Variants in OSBPL5 observed in about 807,000 individuals in gnomAD.
OSBPL5 encodes oxysterol-binding protein-related protein 5.
A neutral mutation model predicts 111.2 loss-of-function variants in OSBPL5; 71 were observed. That is an observed-to-expected ratio of 0.64 (90% CI 0.53 to 0.78). The LOEUF (loss-of-function observed/expected upper bound fraction) is 0.78, where lower values mean the gene tolerates loss of function less well. Among genes scored for constraint, OSBPL5 ranks in the 30% least tolerant of loss-of-function variants. OSBPL5 has a pLI of 0.00. For synonymous variants in OSBPL5, 549 were observed against 513.9 expected (o/e 1.07, Z -0.93); for missense variants, 1,210 against 1,189.3 (o/e 1.02, Z -0.26).
At chr11:3,128,160 T>G (rs1001431388) in intron 2 of OSBPL5, among the ~76,000 whole-genome samples, 3 of 152,206 alleles carry the variant, frequency 2.0e-5, no homozygotes, top group African/African-American at 7.2e-5. Context: ...GATGGGACTT[T>G]GGCTGCGACC....
chr11:3,095,463 G>A (rs1857226240), intron 14 of OSBPL5, among the ~76,000 whole-genome samples: 1 of 152,164 alleles, frequency 6.6e-6, no homozygotes, highest in Non-Finnish European at 1.5e-5. Context: ...AATGTCCTAG[G>A]TGCACACATG....
At chr11:3,119,430 G>T in intron 7 of OSBPL5, 117 bp downstream of exon 7, 2 of 1,038,236 alleles carry the variant, frequency 1.9e-6, no homozygotes, top group African/African-American at 1.7e-5. Flanking sequence ...ACTTCAGGCT[G>T]CCCCCAGACA....
intron 6 of OSBPL5, 21 bp from the exon 7 acceptor site, chr11:3,119,652 G>T (rs368367658): frequency 6.3e-7 from 1 of 1,576,638 alleles, no homozygotes; most frequent in East Asian, 2.4e-5. Context: ...AGAGATCTGG[G>T]TGTCACCCGA....
Position 3,107,061 on chromosome 11 carries a change from C to T in OSBPL5, c.1059+202G>A, listed in dbSNP as rs956391887. On this transcript the variant is annotated intron_variant, in intron 9 of 21. Transcript: ENST00000263650. This position sits in a 1 kb window ranked among gnomAD's most constrained non-coding sequence, Gnocchi z 6.1. Reference sequence around the variant, plus strand: ...TCTGCATGCCAGCCAGCCAGCCAGCCAGCGGGGCAGCCTCTTTGGAAGACG... The same window carrying T: ...TCTGCATGCCAGCCAGCCAGCCAGCTAGCGGGGCAGCCTCTTTGGAAGACG... 6.6e-6 allele frequency among the ~76,000 whole-genome samples: 1 copy of T among 152,206 alleles called. No homozygotes were observed. The highest frequency in any genetic ancestry group is 2.4e-5 in the African/African-American group (1 of 41,448).
chr11:3,112,072 T>C (rs200506928), intron 7 of OSBPL5, among the ~76,000 whole-genome samples: 6,737 of 65,298 alleles, frequency 0.1, 75 homozygotes, highest in South Asian at 0.18. Flanking sequence ...TATGTGTGTG[T>C]GCATGTGTGT....
intron 13 of OSBPL5, among the ~76,000 whole-genome samples, chr11:3,100,682 G>A (rs1041047857): frequency 5.3e-5 from 8 of 152,148 alleles, no homozygotes; most frequent in African/African-American, 1.7e-4. Flanking sequence ...CCTGAGGGTC[G>A]CACCTGGGAC....
chr11:3,101,509 C>T (rs750761067), intron 13 of OSBPL5, 94 bp downstream of exon 13: 104 of 1,174,926 alleles, frequency 8.9e-5, no homozygotes, highest in Non-Finnish European at 1.2e-4. Flanking sequence ...AGGCACATGG[C>T]CCCCATCCAG....
intron 11 of OSBPL5, 141 bp downstream of exon 11, chr11:3,103,098 C>T: frequency 1.5e-6 from 1 of 677,068 alleles, no homozygotes. Context: ...GACCTGGGCC[C>T]TCTGTGGGGG....
chr11:3,130,854 GC>G lies in OSBPL5; in HGVS notation c.-21-1686del, dbSNP rs1858800876. 6.6e-6 allele frequency among the ~76,000 whole-genome samples: 1 copy of G among 152,116 alleles called. No individual in the cohort carries two copies. The highest frequency in any genetic ancestry group is 1.5e-5 in the Non-Finnish European group (1 of 68,026). On this transcript the variant is annotated intron_variant, in intron 1 of 21. Coordinates refer to ENST00000263650, the MANE Select transcript of OSBPL5 (RefSeq NM_020896.4). This position sits in a 1 kb window ranked among gnomAD's most constrained non-coding sequence, Gnocchi z 4.5. ...CAATCACAACAAACACGTCCTACTT[GC>G]CCAGGTGCAGCTCAGGATGGGAACC...
In OSBPL5 at chr11:3,105,407, G is replaced by A. The variant is rs1590654939; in HGVS notation, c.1060-1030C>T. ...GTGGACAGTGTGTGTGGACACCCAGGAGCCATGTCTGACCCCATGAGGGGT... is the reference window on the plus strand; with the variant it reads ...GTGGACAGTGTGTGTGGACACCCAGAAGCCATGTCTGACCCCATGAGGGGT... On this transcript the variant is annotated intron_variant, in intron 9 of 21. Transcript: ENST00000263650. The surrounding 1 kb of genome is among the most constrained non-coding windows in gnomAD (Gnocchi z 5.2). 6.6e-6 allele frequency among the ~76,000 whole-genome samples: 1 copy of A among 152,252 alleles called. No homozygotes were observed. Among genetic ancestry groups the A allele is most frequent in the East Asian group, 1.9e-4 (1 of 5,174 alleles).
At chr11:3,094,160 G>A (rs1857165086) in intron 15 of OSBPL5, 77 bp downstream of exon 15, 3 of 1,388,956 alleles carry the variant, frequency 2.2e-6, no homozygotes, top group South Asian at 2.5e-5. Flanking sequence ...CTTGGGGCCT[G>A]GGGAGAGTGT....
chr11:3,102,142 G>T (rs754020306), intron 12 of OSBPL5, 41 bp downstream of exon 12: 9 of 1,506,718 alleles, frequency 6.0e-6, no homozygotes, highest in Non-Finnish European at 8.1e-6. Context: ...CCGCCCCATA[G>T]AGCCCAGCAC....
intron 1 of OSBPL5, among the ~76,000 whole-genome samples, chr11:3,133,987 G>GC (rs1199995475): frequency 2.0e-4 from 31 of 152,068 alleles, no homozygotes; most frequent in Admixed American, 2.0e-3. Flanking sequence ...CTTGGTGGGG[G>GC]GGGGGTCACT....
At chr11:3,148,570 A>G (rs1020839548) in intron 1 of OSBPL5, among the ~76,000 whole-genome samples, 2 of 152,238 alleles carry the variant, frequency 1.3e-5, no homozygotes, top group African/African-American at 2.4e-5. Flanking sequence ...ACCGGCTTCC[A>G]TGACGGCAGG....
chr11:3,093,465 C>A, intron 17 of OSBPL5, 62 bp downstream of exon 17: 2 of 1,583,926 alleles, frequency 1.3e-6, no homozygotes, highest in Non-Finnish European at 1.7e-6. Flanking sequence ...GCCCTGCTGA[C>A]CTGCCTGCTT....
chr11:3,093,910 C>A, intron 15 of OSBPL5, 75 bp from the exon 16 acceptor site: 1 of 1,510,994 alleles, frequency 6.6e-7, no homozygotes, highest in Non-Finnish European at 8.9e-7. Context: ...CATGGGGGCA[C>A]GGAACAGTTA....
At position 3,120,598 on chromosome 11, in the gene OSBPL5, G is replaced by A. The variant is rs1564842711; in HGVS notation, c.429C>T (p.Thr143=). Residue 143 remains threonine, a synonymous_variant, in exon 6 of 22, where the codon ACC becomes ACT. Coordinates refer to ENST00000263650, the MANE Select transcript of OSBPL5 (RefSeq NM_020896.4). ...CCGGCTTCAGCACGCACCACAGCTT[G>A]GTCCAGCTCTTCAGGGTGCCGCGGA... ...LKIRGTLKSW[T]KLWCVLKPGV... is the part of the protein sequence containing the mutation. The A allele has an allele frequency of 1.2e-6, 2 of 1,613,062 alleles. No homozygotes were observed. The highest frequency in any genetic ancestry group is 4.5e-5 in the East Asian group (2 of 44,878).
At chr11:3,125,501 C>T (rs763288036) in intron 3 of OSBPL5, among the ~76,000 whole-genome samples, 4 of 152,176 alleles carry the variant, frequency 2.6e-5, no homozygotes, top group Admixed American at 6.5e-5. Flanking sequence ...ACTTCATACC[C>T]GCTAGGATAG....
At chr11:3,093,471 T>C in intron 17 of OSBPL5, 56 bp downstream of exon 17, 1 of 1,586,674 alleles carries the variant, frequency 6.3e-7, no homozygotes. Context: ...CTGACCTGCC[T>C]GCTTGGCCAT....
Sources: gnomAD v4.1 joint callset for allele counts (sites outside exome capture counted in the v4.1 genomes callset) on GRCh38, gnomAD v4.1.1 for gene constraint, Gnocchi (gnomAD v3.1) non-coding constraint, MANE v1.5 for transcripts, NCBI Gene and HGNC (gene_info 2026-07-23, HGNC 2026-07-21) for gene names.